Variants in RORA observed in about 807,000 individuals in gnomAD.
RORA encodes nuclear receptor ROR-alpha.
RORA carries 7 observed loss-of-function variants against 69.5 expected under a neutral mutation model. The observed-to-expected ratio is 0.10, with a 90% CI of 0.06 to 0.19. The LOEUF (loss-of-function observed/expected upper bound fraction) is 0.19. Among genes scored for constraint, RORA ranks in the 10% least tolerant of loss-of-function variants. RORA has a pLI of 1.00. For synonymous variants in RORA, 261 were observed against 240.8 expected (o/e 1.08, Z -0.78); for missense variants, 457 against 663.0 (o/e 0.69, Z 3.41).
intron 2 of RORA, among the ~76,000 whole-genome samples, chr15:60,536,018 T>C (rs2066666097): frequency 6.6e-6 from 1 of 152,182 alleles, no homozygotes; most frequent in Admixed American, 6.5e-5. Context: ...TGCTGGGAGT[T>C]ATCCCCGTAG....
chr15:60,673,429 G>A (rs542880987), intron 2 of RORA, among the ~76,000 whole-genome samples: 1 of 152,358 alleles, frequency 6.6e-6, no homozygotes, highest in African/African-American at 2.4e-5. Flanking sequence ...CTTCCAGACA[G>A]TACAGAGGGA....
Position 60,958,375 on chromosome 15 carries a change from T to A in RORA, c.166+270678A>T, listed in dbSNP as rs559624563. Among the ~76,000 whole-genome samples the A allele has an allele frequency of 2.8e-4, 42 of 152,248 alleles. 1 individual carries two copies. In the South Asian group the frequency reaches 6.2e-3, roughly 23 times the overall value. ...GGTCCACTGCCCCCTTACCAAAACA[T>A]ATGACTGTCTAAAATATTATTTATG... On this transcript the variant is annotated intron_variant, in intron 1 of 10. Coordinates refer to ENST00000335670, the MANE Select transcript of RORA (RefSeq NM_134261.3).
At chr15:60,497,674 G>T in intron 10 of RORA, 55 bp from the exon 11 acceptor site, 1 of 1,415,024 alleles carries the variant, frequency 7.1e-7, no homozygotes. Flanking sequence ...AAGCATCAAA[G>T]ATCAGGGAAC....
At chr15:60,999,292 T>A (rs1436037740) in intron 1 of RORA, among the ~76,000 whole-genome samples, 1 of 152,008 alleles carries the variant, frequency 6.6e-6, no homozygotes, top group Non-Finnish European at 1.5e-5. Flanking sequence ...GTGGGAAGTT[T>A]CCCAGGCTCC....
At chr15:60,580,538 G>C (rs2068161796) in intron 2 of RORA, among the ~76,000 whole-genome samples, 1 of 152,182 alleles carries the variant, frequency 6.6e-6, no homozygotes, top group South Asian at 2.1e-4. Context: ...ACTACTCAAG[G>C]AAACCAGAGA....
chr15:60,982,392 C>G (rs921166695), intron 1 of RORA, among the ~76,000 whole-genome samples: 3 of 152,216 alleles, frequency 2.0e-5, no homozygotes, highest in African/African-American at 7.2e-5. Context: ...ATTCCCTAGA[C>G]TTTGCTTCCA....
At chr15:60,747,285 C>T (rs562673326) in intron 1 of RORA, among the ~76,000 whole-genome samples, 1 of 152,126 alleles carries the variant, frequency 6.6e-6, no homozygotes, top group African/African-American at 2.4e-5. Flanking sequence ...ATCTTTTTAA[C>T]TGGGAGATGG....
chr15:60,960,424 A>G (rs1167707925), intron 1 of RORA, among the ~76,000 whole-genome samples: 1 of 152,174 alleles, frequency 6.6e-6, no homozygotes, highest in Non-Finnish European at 1.5e-5. Flanking sequence ...TGAGATAGAC[A>G]CAGATTTAGG....
intron 1 of RORA, among the ~76,000 whole-genome samples, chr15:60,838,311 G>C (rs2073146084): frequency 1.3e-5 from 2 of 152,188 alleles, no homozygotes; most frequent in African/African-American, 4.8e-5. Flanking sequence ...TTTACTCTAT[G>C]ACCACATAGC....
chr15:61,120,150 C>A, intron 1 of RORA, among the ~76,000 whole-genome samples: 1 of 152,150 alleles, frequency 6.6e-6, no homozygotes, highest in African/African-American at 2.4e-5. Context: ...ACAGATGCCA[C>A]ATGTCCTATA....
chr15:60,592,670 C>T (rs2068567099), intron 2 of RORA: 2 of 1,091,676 alleles, frequency 1.8e-6, no homozygotes. Context: ...CAGGCGCGCC[C>T]CAGCGCCGCG....
chr15:61,046,470 T>G (rs1462186985), intron 1 of RORA, among the ~76,000 whole-genome samples: 1 of 152,104 alleles, frequency 6.6e-6, no homozygotes, highest in East Asian at 1.9e-4. Flanking sequence ...CACATGGAAC[T>G]GAGTGTCGCA....
chr15:61,223,260 G>A (rs1322355516), intron 1 of RORA, among the ~76,000 whole-genome samples: 1 of 142,654 alleles, frequency 7.0e-6, no homozygotes, highest in East Asian at 2.1e-4. Flanking sequence ...GTTGTACTGA[G>A]CTGAGATCGT....
At chr15:61,229,013 C>T in intron 1 of RORA, 40 bp downstream of exon 1, 1 of 1,213,776 alleles carries the variant, frequency 8.2e-7, no homozygotes. Flanking sequence ...CGCGCCCGGG[C>T]TCCCGCCGCC....
At chr15:60,737,461 G>A (rs1439098911) in intron 1 of RORA, among the ~76,000 whole-genome samples, 3 of 152,170 alleles carry the variant, frequency 2.0e-5, no homozygotes, top group Non-Finnish European at 4.4e-5. Flanking sequence ...AGCGGCATGG[G>A]CAGTACCTGG....
At chr15:61,224,700 G>C (rs961354411) in intron 1 of RORA, among the ~76,000 whole-genome samples, 3 of 152,196 alleles carry the variant, frequency 2.0e-5, no homozygotes, top group African/African-American at 7.2e-5. Flanking sequence ...ACAGAGGGCA[G>C]TTTGCTTCCA....
chr15:60,795,848 A>T (rs191317185), intron 1 of RORA, among the ~76,000 whole-genome samples: 1 of 152,280 alleles, frequency 6.6e-6, no homozygotes, highest in East Asian at 1.9e-4. Context: ...ATTACATAAG[A>T]CAAAGTAATG....
At chr15:60,614,748 C>A (rs1596060488) in intron 2 of RORA, 1 of 670,854 alleles carries the variant, frequency 1.5e-6, no homozygotes. Flanking sequence ...ATATCTAAAA[C>A]TCAGTTTTCT....
At chr15:60,622,454 A>G (rs2069438249) in intron 2 of RORA, among the ~76,000 whole-genome samples, 1 of 151,970 alleles carries the variant, frequency 6.6e-6, no homozygotes, top group East Asian at 2.0e-4. Context: ...TTTACTAAAA[A>G]TACAAAAATT....
Sources: gnomAD v4.1 joint callset for allele counts (sites outside exome capture counted in the v4.1 genomes callset) on GRCh38, gnomAD v4.1.1 for gene constraint, MANE v1.5 for transcripts, NCBI Gene and HGNC (gene_info 2026-07-23, HGNC 2026-07-21) for gene names.